Variants in UNC13C observed in about 807,000 individuals in gnomAD.
UNC13C encodes protein unc-13 homolog C.
UNC13C carries 174 observed loss-of-function variants against 245.4 expected under a neutral mutation model. That is an observed-to-expected ratio of 0.71 (90% CI 0.63 to 0.80). The LOEUF (loss-of-function observed/expected upper bound fraction) is 0.80, where lower values mean the gene tolerates loss of function less well. Ranked by LOEUF, UNC13C falls within the 30% of genes least tolerant of loss-of-function variation. The probability of loss-of-function intolerance (pLI) is 0.00; values close to 1 mark genes in which losing one functional copy is unlikely to be tolerated. For synonymous variants in UNC13C, 992 were observed against 895.1 expected (o/e 1.11, Z -1.93); for missense variants, 2,829 against 2,602.9 (o/e 1.09, Z -1.89).
intron 19 of UNC13C, among the ~76,000 whole-genome samples, chr15:54,463,395 C>T (rs1468775939): frequency 6.6e-6 from 1 of 150,628 alleles, no homozygotes; most frequent in African/African-American, 2.4e-5. Context: ...GTAAATCTTA[C>T]TGCTGCTCAC....
At chr15:53,954,840 A>G in the UNC13C span, among the ~76,000 whole-genome samples, 1 of 152,192 alleles carries the variant, frequency 6.6e-6, no homozygotes, top group Non-Finnish European at 1.5e-5. Context: ...TTGTGCTTCA[A>G]AAAATACAGT....
At chr15:54,411,710 C>T (rs1228831888) in intron 18 of UNC13C, among the ~76,000 whole-genome samples, 1 of 152,058 alleles carries the variant, frequency 6.6e-6, no homozygotes, top group Admixed American at 6.6e-5. Context: ...ATTATATTTT[C>T]ATAGAAAGCT....
At chr15:54,519,624 A>C (rs1462734242) in intron 24 of UNC13C, among the ~76,000 whole-genome samples, 1 of 152,212 alleles carries the variant, frequency 6.6e-6, no homozygotes, top group Non-Finnish European at 1.5e-5. Context: ...TAGGATAAAG[A>C]AAATGCCATA....
At chr15:54,380,697 T>G (rs1478320868) in intron 17 of UNC13C, among the ~76,000 whole-genome samples, 1 of 152,208 alleles carries the variant, frequency 6.6e-6, no homozygotes. Context: ...TAATTTGCAT[T>G]TCCCTGATAA....
At chr15:54,217,998 C>T (rs968584440) in intron 4 of UNC13C, among the ~76,000 whole-genome samples, 1 of 151,950 alleles carries the variant, frequency 6.6e-6, no homozygotes. Flanking sequence ...TTCATCCTTG[C>T]TACATGCCAG....
intron 17 of UNC13C, among the ~76,000 whole-genome samples, chr15:54,361,632 G>GTA (rs2039233419): frequency 1.3e-5 from 2 of 152,144 alleles, no homozygotes; most frequent in Admixed American, 1.3e-4. Flanking sequence ...TTCTTTGGTG[G>GTA]TATTAGACCT....
intron 2 of UNC13C, among the ~76,000 whole-genome samples, chr15:54,057,005 C>T (rs1284508285): frequency 6.6e-6 from 1 of 152,202 alleles, no homozygotes; most frequent in East Asian, 1.9e-4. Context: ...ACTGCCAAAA[C>T]ATGCCAAATT....
chr15:54,464,604 G>A (rs187898373), intron 19 of UNC13C, among the ~76,000 whole-genome samples: 110 of 152,128 alleles, frequency 7.2e-4, no homozygotes, highest in African/African-American at 2.6e-3. Context: ...CAAGGAAAAG[G>A]ACTCATCTTA....
At chr15:54,576,745 T>G (rs1400878681) in intron 30 of UNC13C, among the ~76,000 whole-genome samples, 1 of 152,174 alleles carries the variant, frequency 6.6e-6, no homozygotes, top group Non-Finnish European at 1.5e-5. Context: ...GCACATGGAT[T>G]CATCTTGTGA....
At chr15:54,427,715 C>T (rs2040787558) in intron 19 of UNC13C, among the ~76,000 whole-genome samples, 2 of 151,704 alleles carry the variant, frequency 1.3e-5, no homozygotes, top group African/African-American at 2.4e-5. Context: ...GAAATTGTAG[C>T]TTATTATATT....
chr15:53,924,745 CA>C, the UNC13C span, among the ~76,000 whole-genome samples: 4 of 152,176 alleles, frequency 2.6e-5, no homozygotes, highest in African/African-American at 9.7e-5. Flanking sequence ...GCCTATATTT[CA>C]TTTGACTAAA....
the UNC13C span, among the ~76,000 whole-genome samples, chr15:53,919,968 T>C: frequency 0.013 from 1,939 of 152,288 alleles, 40 homozygotes; most frequent in African/African-American, 0.045. Flanking sequence ...ATCCATGTTT[T>C]TTTTTTCCAA....
intron 8 of UNC13C, among the ~76,000 whole-genome samples, chr15:54,253,340 C>T (rs1396409534): frequency 6.6e-6 from 1 of 152,144 alleles, no homozygotes; most frequent in Non-Finnish European, 1.5e-5. Context: ...CCAGTCAATT[C>T]CCCAAAGAGC....
chr15:54,308,515 T>G (rs2037783485), intron 13 of UNC13C, among the ~76,000 whole-genome samples: 1 of 151,852 alleles, frequency 6.6e-6, no homozygotes, highest in South Asian at 2.1e-4. Context: ...ATGAGTACAC[T>G]TCCACGCTGT....
At chr15:54,299,504 C>T (rs1048772075) in intron 12 of UNC13C, among the ~76,000 whole-genome samples, 4 of 152,246 alleles carry the variant, frequency 2.6e-5, no homozygotes, top group South Asian at 2.1e-4. Flanking sequence ...ATGCAAAATA[C>T]GCTCTATCAT....
chr15:53,951,255 T>C, the UNC13C span, among the ~76,000 whole-genome samples: 14 of 152,238 alleles, frequency 9.2e-5, no homozygotes, highest in Non-Finnish European at 1.8e-4. Context: ...GGAGTCAGCA[T>C]ACAAGCTGAA....
chr15:54,020,182 T>C (rs895188473), intron 2 of UNC13C, among the ~76,000 whole-genome samples: 2 of 152,146 alleles, frequency 1.3e-5, no homozygotes, highest in Non-Finnish European at 2.9e-5. Flanking sequence ...GTAGCAAATA[T>C]ACCTGCTCAC....
At position 54,020,426 on chromosome 15, in the gene UNC13C, C is replaced by T. The variant is rs1369263110; in HGVS notation, c.2983+4540C>T. 3.4e-5 allele frequency among the ~76,000 whole-genome samples: 5 copies of T among 147,932 alleles called. No individual in the cohort carries two copies. The Admixed American group carries it at 3.4e-4, about 10-fold the overall frequency. On this transcript the variant is annotated intron_variant, in intron 2 of 32. Transcript: ENST00000260323. ...AGTAGCTGAGACTACAGGCATGCAC[C>T]ACCACGCCCAGCTAATTTTTTTTTT...
the UNC13C span, chr15:53,972,786 T>C: frequency 6.6e-6 from 1 of 151,988 alleles, no homozygotes; most frequent in Non-Finnish European, 1.5e-5. Context: ...TACTCTAGCC[T>C]TCAAAAAAAG....
Sources: gnomAD v4.1 joint callset for allele counts (sites outside exome capture counted in the v4.1 genomes callset) on GRCh38, gnomAD v4.1.1 for gene constraint, MANE v1.5 for transcripts, NCBI Gene and HGNC (gene_info 2026-07-23, HGNC 2026-07-21) for gene names.